The following ZSCAN5A variants were observed in gnomAD, a reference collection of about 807,000 sequenced individuals.
ZSCAN5A encodes the protein zinc finger and SCAN domain containing 5A, also known as zinc finger and SCAN domain-containing protein 5A.
Under a neutral mutation model 23.7 loss-of-function variants are expected in ZSCAN5A, and 12 were observed. That is an observed-to-expected ratio of 0.51 (90% CI 0.32 to 0.82). The LOEUF is 0.82. Ranked by LOEUF, ZSCAN5A falls within the 40% of genes least tolerant of loss-of-function variation. ZSCAN5A has a pLI of 0.03. For synonymous variants in ZSCAN5A, 257 were observed against 239.9 expected, an observed-to-expected ratio of 1.07 and a Z score of -0.66; for missense variants, 597 against 617.9, an observed-to-expected ratio of 0.97 and a Z score of 0.36.
chr19:56,270,854 CCA>C (rs1299110708), intron 2 of ZSCAN5A, among the ~76,000 whole-genome samples: 2 of 152,132 alleles, frequency 1.3e-5, no homozygotes, highest in Admixed American at 1.3e-4. Flanking sequence ...ACAGCCCCCA[CCA>C]CAAAAACGAT....
intron 2 of ZSCAN5A, among the ~76,000 whole-genome samples, chr19:56,346,731 C>CG (rs529138075): frequency 1.3e-5 from 2 of 151,078 alleles, no homozygotes; most frequent in African/African-American, 4.9e-5. Flanking sequence ...TTTTTTTAGA[C>CG]GGAGTCTCGC....
At chr19:56,273,129 T>C (rs2037974720) in intron 2 of ZSCAN5A, among the ~76,000 whole-genome samples, 1 of 152,198 alleles carries the variant, frequency 6.6e-6, no homozygotes, top group African/African-American at 2.4e-5. Context: ...TGTGTCTGCA[T>C]CCTGGTTTCT....
chr19:56,256,940 G>A (rs919348884), intron 2 of ZSCAN5A, among the ~76,000 whole-genome samples: 3 of 152,084 alleles, frequency 2.0e-5, no homozygotes, highest in Non-Finnish European at 2.9e-5. Flanking sequence ...GGATCCCCCC[G>A]AAAGGGAAAC....
intron 2 of ZSCAN5A, among the ~76,000 whole-genome samples, chr19:56,344,155 G>A (rs1029205435): frequency 6.6e-6 from 1 of 152,122 alleles, no homozygotes; most frequent in African/African-American, 2.4e-5. Context: ...TTCATTCCTG[G>A]GCATAGGCCA....
rs531205120 is a variant in ZSCAN5A at position 56,234,223 on chromosome 19, A to C, written c.-127-9050T>G. 3.9e-5 allele frequency among the ~76,000 whole-genome samples: 6 copies of C among 152,362 alleles called. No homozygotes were observed. In the East Asian group the frequency reaches 1.2e-3, roughly 29 times the overall value. On this transcript the variant is annotated intron_variant, in intron 2 of 5. Coordinates refer to ENST00000683990, the MANE Select transcript of ZSCAN5A (RefSeq NM_001322064.3). ...ATTTTCAAGGTCTTCCTGGTTCACA[A>C]AGTGGGAAGGAAGAAACTACTGAAG...
At chr19:56,284,549 C>T (rs868600378) in intron 2 of ZSCAN5A, among the ~76,000 whole-genome samples, 79 of 129,154 alleles carry the variant, frequency 6.1e-4, no homozygotes, top group Middle Eastern at 0.011. Context: ...CAGTCTTGCT[C>T]TGTCACTCAG....
intron 2 of ZSCAN5A, among the ~76,000 whole-genome samples, chr19:56,240,424 G>A (rs1340207289): frequency 1.3e-5 from 2 of 152,162 alleles, no homozygotes; most frequent in Non-Finnish European, 2.9e-5. Flanking sequence ...GCAGGAACTG[G>A]AAATGGGGCC....
intron 2 of ZSCAN5A, chr19:56,321,088 T>G (rs2041370667): frequency 1.4e-6 from 1 of 696,970 alleles, no homozygotes; most frequent in East Asian, 2.9e-5. Flanking sequence ...ATCTGCAGAT[T>G]TGGGATCTGT....
At chr19:56,295,640 A>G (rs1455127519) in intron 2 of ZSCAN5A, among the ~76,000 whole-genome samples, 3 of 152,038 alleles carry the variant, frequency 2.0e-5, no homozygotes, top group Non-Finnish European at 4.4e-5. Flanking sequence ...AAGAGATGGG[A>G]ATGGCGTGGC....
intron 2 of ZSCAN5A, among the ~76,000 whole-genome samples, chr19:56,252,708 A>T (rs2036428636): frequency 6.6e-6 from 1 of 152,224 alleles, no homozygotes; most frequent in Admixed American, 6.5e-5. Flanking sequence ...AGCAAGTCAA[A>T]AGTGGAGGTA....
chr19:56,247,228 A>C (rs1450461196), intron 2 of ZSCAN5A: 2 of 472,266 alleles, frequency 4.2e-6, no homozygotes, highest in Admixed American at 6.9e-5. Flanking sequence ...GAAGCCCTAC[A>C]CATGTGACAT....
intron 2 of ZSCAN5A, among the ~76,000 whole-genome samples, chr19:56,304,116 G>A (rs1568729807): frequency 1.3e-5 from 2 of 152,292 alleles, no homozygotes; most frequent in East Asian, 1.9e-4. Flanking sequence ...AGAGTGGATC[G>A]GAATCAGGGC....
chr19:56,257,260 C>T (rs914881772), intron 2 of ZSCAN5A, among the ~76,000 whole-genome samples: 4 of 152,066 alleles, frequency 2.6e-5, no homozygotes, highest in African/African-American at 9.7e-5. Flanking sequence ...AGGAGAGATT[C>T]GAGTGAGATT....
intron 2 of ZSCAN5A, among the ~76,000 whole-genome samples, chr19:56,357,684 C>A (rs1281004384): frequency 6.8e-6 from 1 of 148,114 alleles, no homozygotes; most frequent in African/African-American, 2.6e-5. Flanking sequence ...ACCAACGACA[C>A]CATGAAGCAA....
intron 2 of ZSCAN5A, chr19:56,321,550 C>T (rs2041376050): frequency 1.3e-6 from 1 of 751,986 alleles, no homozygotes; most frequent in African/African-American, 1.7e-5. Context: ...TGTCTGTCTT[C>T]TTAAGCAAGC....
intron 2 of ZSCAN5A, among the ~76,000 whole-genome samples, chr19:56,241,794 T>A (rs1366281634): frequency 2.6e-5 from 4 of 152,216 alleles, no homozygotes; most frequent in African/African-American, 7.2e-5. Flanking sequence ...ACTAGGCTTT[T>A]AAAATTATTA....
At chr19:56,342,580 C>A in intron 2 of ZSCAN5A, 1 of 386,304 alleles carries the variant, frequency 2.6e-6, no homozygotes, top group South Asian at 2.9e-5. Context: ...GAGATCTTGT[C>A]AAGCAGAAGC....
intron 2 of ZSCAN5A, among the ~76,000 whole-genome samples, chr19:56,357,303 G>A (rs79135683): frequency 0.039 from 5,768 of 148,326 alleles, 617 homozygotes; most frequent in Middle Eastern, 0.11. Context: ...TCATGCATGC[G>A]AAGCCCAGCC....
intron 2 of ZSCAN5A, among the ~76,000 whole-genome samples, chr19:56,235,047 T>C: frequency 1.3e-5 from 2 of 151,726 alleles, no homozygotes; most frequent in Non-Finnish European, 2.9e-5. Flanking sequence ...AAGCCTCCAC[T>C]CCAGCCTCTG....
Sources: allele counts gnomAD v4.1 joint callset (sites outside exome capture counted in the v4.1 genomes callset), GRCh38; gene constraint gnomAD v4.1.1; transcripts MANE v1.5; gene names NCBI Gene and HGNC (gene_info 2026-07-23, HGNC 2026-07-21).